The following USP18 variants were observed in gnomAD, a reference collection of about 807,000 sequenced individuals.
USP18 encodes ubl carboxyl-terminal hydrolase 18.
USP18 carries 11 observed loss-of-function variants against 48.7 expected under a neutral mutation model. The observed-to-expected ratio is 0.23, with a 90% CI of 0.14 to 0.37. The LOEUF (loss-of-function observed/expected upper bound fraction) is 0.37. Ranked by LOEUF, USP18 falls within the 10% of genes least tolerant of loss-of-function variation. USP18 has a pLI of 1.00. For synonymous variants in USP18, 114 were observed against 163.2 expected (o/e 0.70, Z 2.30); for missense variants, 285 against 436.4 (o/e 0.65, Z 3.09).
At chr22:18,152,168 G>A (rs1364501453) in intron 1 of USP18, among the ~76,000 whole-genome samples, 2 of 152,234 alleles carry the variant, frequency 1.3e-5, no homozygotes, top group African/African-American at 2.4e-5. Flanking sequence ...GGAAGACACC[G>A]AGGCTGCTTG....
chr22:18,157,090 A>C (rs896820774), intron 1 of USP18, among the ~76,000 whole-genome samples: 1 of 152,232 alleles, frequency 6.6e-6, no homozygotes, highest in East Asian at 1.9e-4. Context: ...GCCTGCCTGC[A>C]GCTAAGGTTT....
chr22:18,166,847 C>G lies in USP18; in HGVS notation c.401-408C>G, dbSNP rs540567754. The stretch of plus-strand genomic sequence containing the variant: ...CAACATCCTGGGCTCCAGTGATCCT[C>G]CTGCTTCAGCCTCCCAAGTAGCTCT... On this transcript the variant is annotated intron_variant, in intron 4 of 10. Coordinates refer to ENST00000215794, the MANE Select transcript of USP18 (RefSeq NM_017414.4). Among the ~76,000 whole-genome samples, 3 of 150,848 alleles carry G rather than the reference C, an allele frequency of 2.0e-5. No homozygotes were observed. The South Asian group carries it at 6.4e-4, about 32-fold the overall frequency.
At position 18,167,285 on chromosome 22, in the gene USP18, A is replaced by G; in HGVS notation, c.431A>G (p.Tyr144Cys). The G allele has an allele frequency of 1.2e-6, 2 of 1,613,690 alleles. No homozygotes were observed. Among genetic ancestry groups the G allele is most frequent in the Non-Finnish European group, 1.7e-6 (2 of 1,179,792 alleles). ...GTCCAACATGATGCTGCCCAACTGT[A>G]CCTCAAACTCTGGAACCTGATTAAG... ...LFVQHDAAQL[Y>C]LKLWNLIKDQ... is the part of the protein sequence containing the mutation. The change falls in exon 5 of 11, where the codon TAC becomes TGC. Residue 144 changes from tyrosine (Y) to cysteine (C), a missense_variant. Tyr to Cys is a radical substitution (Grantham distance 194). This residue lies in a region of USP18 where 199 missense variants were observed against 239.6 expected (regional missense o/e 0.83). Coordinates refer to ENST00000215794, the MANE Select transcript of USP18 (RefSeq NM_017414.4).
At chr22:18,169,418 CAT>C (rs1569212086) in intron 6 of USP18, among the ~76,000 whole-genome samples, 2 of 152,144 alleles carry the variant, frequency 1.3e-5, no homozygotes, top group Non-Finnish European at 2.9e-5. Flanking sequence ...CTACTAAAAA[CAT>C]AAAAAAATTA....
In USP18 at chr22:18,167,968, A is replaced by G; in HGVS notation, c.559A>G (p.Arg187Gly). 1 of 1,614,120 alleles carries G rather than the reference A, an allele frequency of 6.2e-7. No homozygotes were observed. Among genetic ancestry groups the G allele is most frequent in the Non-Finnish European group, 8.5e-7 (1 of 1,180,036 alleles). The change falls in exon 6 of 11, where the codon AGA becomes GGA. Residue 187 changes from arginine (R) to glycine (G), a missense_variant. By Grantham distance (125) the Arg-to-Gly change is moderately radical. Around this residue, in one of 5 missense-constraint regions of USP18, gnomAD observed 199 missense variants for 239.6 expected, o/e 0.83. Coordinates refer to ENST00000215794, the MANE Select transcript of USP18 (RefSeq NM_017414.4). Reference sequence around the variant, plus strand: ...CGTTGACTGTGCCATGGAGAGTAGCAGAAACAGCAGCATGCTCACCCTCCC... The same window carrying G: ...CGTTGACTGTGCCATGGAGAGTAGCGGAAACAGCAGCATGCTCACCCTCCC... ...ICVDCAMESS[R>G]NSSMLTLPLS...
intron 1 of USP18, among the ~76,000 whole-genome samples, chr22:18,153,909 C>A (rs1929063310): frequency 6.6e-6 from 1 of 152,000 alleles, no homozygotes; most frequent in Non-Finnish European, 1.5e-5. Context: ...CTTGTAATGG[C>A]TGAATAACAT....
At chr22:18,155,589 G>C (rs1022223730) in intron 1 of USP18, among the ~76,000 whole-genome samples, 6 of 152,182 alleles carry the variant, frequency 3.9e-5, no homozygotes, top group African/African-American at 1.4e-4. Context: ...GTTCCGAGTG[G>C]GCGTGGGCTC....
chr22:18,153,443 G>GAAAAAAAAAAAA (rs1929051180), intron 1 of USP18, among the ~76,000 whole-genome samples: 1 of 111,450 alleles, frequency 9.0e-6, no homozygotes, highest in South Asian at 3.3e-4. Flanking sequence ...AAAAAAAAAG[G>GAAAAAAAAAAAA]AGACAGGGTC....
chr22:18,159,302 C>T (rs1168345665), intron 2 of USP18, among the ~76,000 whole-genome samples: 1 of 152,036 alleles, frequency 6.6e-6, no homozygotes, highest in Non-Finnish European at 1.5e-5. Context: ...GTGGTCTTCC[C>T]GCCTCGGCCT....
intron 1 of USP18, among the ~76,000 whole-genome samples, chr22:18,153,797 G>A (rs1191696097): frequency 1.3e-5 from 2 of 152,090 alleles, no homozygotes; most frequent in Middle Eastern, 3.4e-3. Flanking sequence ...TCACATATGA[G>A]TGTGAACATG....
intron 5 of USP18, 146 bp from the exon 6 acceptor site, chr22:18,167,744 A>G: frequency 1.1e-6 from 1 of 931,826 alleles, no homozygotes; most frequent in South Asian, 2.1e-5. Context: ...CACATAAAAC[A>G]CTTATCACAG....
chr22:18,158,374 T>G (rs1286194655), intron 2 of USP18, among the ~76,000 whole-genome samples: 1 of 152,210 alleles, frequency 6.6e-6, no homozygotes, highest in Non-Finnish European at 1.5e-5. Flanking sequence ...CTGTGGAAAC[T>G]GCTTTAAGCC....
At chr22:18,156,970 G>A (rs1569208780) in intron 1 of USP18, among the ~76,000 whole-genome samples, 1 of 152,102 alleles carries the variant, frequency 6.6e-6, no homozygotes, top group Non-Finnish European at 1.5e-5. Context: ...AGGGTACACG[G>A]GTACCCCTAT....
chr22:18,166,467 G>A (rs907712597), intron 4 of USP18, among the ~76,000 whole-genome samples: 7 of 151,852 alleles, frequency 4.6e-5, no homozygotes, highest in African/African-American at 9.7e-5. Flanking sequence ...CTGTTTTCCT[G>A]GGTGGCCATG....
chr22:18,173,318 A>T, intron 9 of USP18, 37 bp downstream of exon 9: 1 of 1,575,970 alleles, frequency 6.3e-7, no homozygotes, highest in East Asian at 2.2e-5. Flanking sequence ...CCTGCCCTGG[A>T]TTGGCCACCT....
intron 7 of USP18, among the ~76,000 whole-genome samples, chr22:18,170,222 A>C (rs1165673435): frequency 6.6e-6 from 1 of 151,012 alleles, no homozygotes; most frequent in African/African-American, 2.5e-5. Flanking sequence ...ATACAGTCCA[A>C]ACCCGTGCTG....
chr22:18,165,631 G>A (rs1017513285), intron 4 of USP18, among the ~76,000 whole-genome samples: 3 of 151,924 alleles, frequency 2.0e-5, no homozygotes, highest in Non-Finnish European at 4.4e-5. Flanking sequence ...GTAGGCTGAT[G>A]GAGGTTTGAT....
intron 2 of USP18, among the ~76,000 whole-genome samples, chr22:18,158,090 C>A (rs1242969906): frequency 6.6e-6 from 1 of 152,082 alleles, no homozygotes; most frequent in Non-Finnish European, 1.5e-5. Context: ...GAGTTTAAGA[C>A]CAGCCTGGCC....
At chr22:18,168,419 CAG>C (rs1289413292) in intron 6 of USP18, among the ~76,000 whole-genome samples, 1 of 147,434 alleles carries the variant, frequency 6.8e-6, no homozygotes, top group Non-Finnish European at 1.5e-5. Flanking sequence ...TTTTTGGAGA[CAG>C]AGTCTTCCTC....
Sources: allele counts gnomAD v4.1 joint callset (sites outside exome capture counted in the v4.1 genomes callset), GRCh38; gene constraint gnomAD v4.1.1; regional missense constraint gnomAD v4.1.1; transcripts MANE v1.5; gene names NCBI Gene and HGNC (gene_info 2026-07-23, HGNC 2026-07-21).